Variants in TXNRD1 observed in about 807,000 individuals in gnomAD.
TXNRD1 encodes the protein thioredoxin reductase 1, cytoplasmic.
Under a neutral mutation model 80.3 loss-of-function variants are expected in TXNRD1, and 57 were observed. That is an observed-to-expected ratio of 0.71 (90% CI 0.57 to 0.89). The LOEUF (loss-of-function observed/expected upper bound fraction) is 0.89. TXNRD1 is among the 40% of genes least tolerant of loss of function. TXNRD1 has a pLI of 0.00. For synonymous variants in TXNRD1, 291 were observed against 285.2 expected, an observed-to-expected ratio of 1.02 and a Z score of -0.20; for missense variants, 730 against 803.0, an observed-to-expected ratio of 0.91 and a Z score of 1.10.
chr12:104,254,644 A>AAAAAAAAAAAAAAAAAAAAATAT, intron 2 of TXNRD1, among the ~76,000 whole-genome samples: 10 of 93,618 alleles, frequency 1.1e-4, no homozygotes, highest in South Asian at 3.6e-4. Context: ...AAAAAAAAAA[A>AAAAAAAAAAAAAAAAAAAAATAT]ATATATATAT....
chr12:104,307,887 A>G (rs2034985542), intron 4 of TXNRD1, among the ~76,000 whole-genome samples: 2 of 152,228 alleles, frequency 1.3e-5, no homozygotes, highest in African/African-American at 4.8e-5. Flanking sequence ...AGTTGCCTGC[A>G]GGTCATCTCA....
chr12:104,322,867 G>C (rs1415497972), intron 10 of TXNRD1, among the ~76,000 whole-genome samples: 3 of 147,194 alleles, frequency 2.0e-5, no homozygotes, highest in Non-Finnish European at 3.0e-5. Flanking sequence ...ATTTGGCAGG[G>C]TCATGGGACA....
At chr12:104,310,487 C>T (rs1218662682) in intron 4 of TXNRD1, among the ~76,000 whole-genome samples, 1 of 152,110 alleles carries the variant, frequency 6.6e-6, no homozygotes, top group Admixed American at 6.6e-5. Context: ...TGCTTGTTAA[C>T]AACTTTCTCA....
In TXNRD1 at chr12:104,304,565, A is replaced by G. The variant is rs776829396; in HGVS notation, c.415-6725A>G. 6.8e-6 allele frequency: 11 copies of G among 1,614,064 alleles called. No homozygotes were observed. In the South Asian group the frequency reaches 1.1e-4, roughly 16 times the overall value. Reference sequence around the variant, plus strand: ...TACAAAGTTGCAGAAGTTGGACCTGAGTAGTTATCCAGAAGCGACAGAAAA... The same window carrying G: ...TACAAAGTTGCAGAAGTTGGACCTGGGTAGTTATCCAGAAGCGACAGAAAA... On this transcript the variant is annotated intron_variant, in intron 4 of 16. Transcript: ENST00000525566.
rs555427787 is a variant in TXNRD1 at position 104,331,532 on chromosome 12, AGT to A, written c.1545_1546del (p.Cys515Ter). ...TAACTCCTTACCTCCATTTTTAAACAGTGTGACTATGAAAATGTTCCAACCAC... is the reference window on the plus strand; with the variant it reads ...TAACTCCTTACCTCCATTTTTAAACAGTGACTATGAAAATGTTCCAACCAC... On this transcript the variant is annotated splice_acceptor_variant and coding_sequence_variant, in exon 14 of 17. Transcript: ENST00000525566. LOFTEE classifies it high-confidence loss of function. 1.3e-6 allele frequency: 2 copies of A among 1,596,766 alleles called. No individual in the cohort carries two copies. The highest frequency in any genetic ancestry group is 1.7e-6 in the Non-Finnish European group (2 of 1,168,706).
chr12:104,244,554 A>G (rs1234858782), intron 1 of TXNRD1, among the ~76,000 whole-genome samples: 2 of 152,222 alleles, frequency 1.3e-5, no homozygotes, highest in East Asian at 1.9e-4. Context: ...CAGGATTCCT[A>G]TATGTCGAGT....
chr12:104,268,665 G>A (rs1384472255), intron 3 of TXNRD1, among the ~76,000 whole-genome samples: 2 of 151,840 alleles, frequency 1.3e-5, no homozygotes, highest in Non-Finnish European at 2.9e-5. Flanking sequence ...ACTACAGGCT[G>A]CACTACCACG....
intron 7 of TXNRD1, among the ~76,000 whole-genome samples, chr12:104,317,095 A>G (rs958746273): frequency 2.0e-5 from 3 of 152,214 alleles, no homozygotes; most frequent in African/African-American, 7.2e-5. Flanking sequence ...TTGGGGTCAC[A>G]TTGTTTGCTC....
chr12:104,292,601 G>C lies in TXNRD1; in HGVS notation c.414+3561G>C, dbSNP rs1478630835. Among the ~76,000 whole-genome samples the C allele has an allele frequency of 2.0e-5, 3 of 151,950 alleles. No homozygotes were observed. In the East Asian group the frequency reaches 5.8e-4, roughly 29 times the overall value. On this transcript the variant is annotated intron_variant, in intron 4 of 16. Coordinates refer to ENST00000525566, the MANE Select transcript of TXNRD1 (RefSeq NM_001093771.3). ...GTAGAGATGTGGTTTTGCCATGTTG[G>C]TCGGGCTGGTCTCGATCTCCTGACC...
At chr12:104,247,058 TTTTGTTTG>T (rs142055928) in intron 1 of TXNRD1, among the ~76,000 whole-genome samples, 5 of 151,656 alleles carry the variant, frequency 3.3e-5, no homozygotes, top group African/African-American at 7.3e-5. Context: ...CATTACAGTT[TTTTGTTTG>T]TTTGTTTGTT....
chr12:104,311,001 A>G (rs1196432393), intron 4 of TXNRD1, among the ~76,000 whole-genome samples: 4 of 152,214 alleles, frequency 2.6e-5, no homozygotes, highest in Non-Finnish European at 5.9e-5. Flanking sequence ...AAAAAAGGCT[A>G]ATGATTAAAC....
chr12:104,257,449 C>T (rs1593716108), intron 2 of TXNRD1, among the ~76,000 whole-genome samples: 1 of 144,470 alleles, frequency 6.9e-6, no homozygotes, highest in Non-Finnish European at 1.5e-5. Context: ...CTCTGTCGCC[C>T]AGGCTGGAGT....
chr12:104,220,553 A>G (rs1319124055), intron 1 of TXNRD1, among the ~76,000 whole-genome samples: 1 of 151,954 alleles, frequency 6.6e-6, no homozygotes, highest in Non-Finnish European at 1.5e-5. Flanking sequence ...GTGAAACCCC[A>G]TCTCTACTAA....
At chr12:104,343,326 T>G (rs2036386828) in intron 16 of TXNRD1, among the ~76,000 whole-genome samples, 1 of 152,252 alleles carries the variant, frequency 6.6e-6, no homozygotes, top group South Asian at 2.1e-4. Context: ...CAGCTGATAC[T>G]TCATCTCCAC....
In TXNRD1 at chr12:104,319,459, T is replaced by G. The variant is rs745848710; in HGVS notation, c.874-11T>G. 1.3e-6 allele frequency: 2 copies of G among 1,525,376 alleles called. No homozygotes were observed. The highest frequency in any genetic ancestry group is 2.4e-5 in the South Asian group (2 of 83,324). The allele number at this position is 1,525,376 out of a possible 1,614,324, so 94.5% of individuals were successfully genotyped here. A position where few individuals can be genotyped will look rare whatever the true frequency, so the allele number is the denominator to read the frequency against. Reference sequence around the variant, plus strand: ...TTACTTAATAAGGTTTTCATATTGGTTCCTTTGTAGGCAACAAATAATAAA... The same window carrying G: ...TTACTTAATAAGGTTTTCATATTGGGTCCTTTGTAGGCAACAAATAATAAA... On this transcript the variant is annotated splice_polypyrimidine_tract_variant and intron_variant, in intron 8 of 16. Coordinates refer to ENST00000525566, the MANE Select transcript of TXNRD1 (RefSeq NM_001093771.3).
intron 1 of TXNRD1, among the ~76,000 whole-genome samples, chr12:104,249,212 T>C (rs142605756): frequency 1.1e-4 from 17 of 152,328 alleles, no homozygotes; most frequent in Middle Eastern, 3.4e-3. Flanking sequence ...GTAGGTACCT[T>C]CTTGCTGTGT....
chr12:104,251,567 A>G lies in TXNRD1; in HGVS notation c.132A>G (p.Pro44=), dbSNP rs1326647799. Residue 44 remains proline, a synonymous_variant, in exon 2 of 17, where the codon CCA becomes CCG. Coordinates refer to ENST00000525566, the MANE Select transcript of TXNRD1 (RefSeq NM_001093771.3). The part of the protein sequence containing the change: ...HHPGKTLPEN[P]AGFTSTATAD... ...CTGGTAAAACTTTGCCAGAGAACCC[A>G]GCAGGATTCACCAGCACGGCCACTG... 1 of 1,613,982 alleles carries G rather than the reference A, an allele frequency of 6.2e-7. No individual in the cohort carries two copies. Among genetic ancestry groups the G allele is most frequent in the East Asian group, 2.2e-5 (1 of 44,886 alleles).
intron 4 of TXNRD1, among the ~76,000 whole-genome samples, chr12:104,297,616 C>A (rs1025834462): frequency 2.0e-5 from 3 of 152,112 alleles, no homozygotes; most frequent in Non-Finnish European, 4.4e-5. Flanking sequence ...CCGCCTGCGT[C>A]AGCCTCCAAA....
At position 104,215,828 on chromosome 12, in the gene TXNRD1, T is replaced by G; in HGVS notation, c.26T>G (p.Val9Gly). 1 of 1,562,762 alleles carries G rather than the reference T, an allele frequency of 6.4e-7. No homozygotes were observed. Among genetic ancestry groups the G allele is most frequent in the Non-Finnish European group, 8.7e-7 (1 of 1,154,712 alleles). Residue 9 changes from valine (V) to glycine (G), a missense_variant, in exon 1 of 17, where the codon GTG (valine) becomes GGG (glycine). Transcript: ENST00000525566. ...ATGGGCTGCGCCGAGGGCAAGGCAG[T>G]GGCGGCGGCCGCCCCAACGGAGCTG... MGCAEGKA[V>G]AAAAPTELQT...
Sources: gnomAD v4.1 joint callset for allele counts (sites outside exome capture counted in the v4.1 genomes callset) on GRCh38, gnomAD v4.1.1 for gene constraint, MANE v1.5 for transcripts, NCBI Gene and HGNC (gene_info 2026-07-23, HGNC 2026-07-21) for gene names.